The following COL25A1 variants were observed in gnomAD, a reference collection of about 807,000 sequenced individuals.
The protein encoded by COL25A1 is collagen alpha-1(XXV) chain.
COL25A1 carries 103 observed loss-of-function variants against 128.4 expected under a neutral mutation model. That is an observed-to-expected ratio of 0.80 (90% CI 0.68 to 0.94). The LOEUF is 0.94. Ranked by LOEUF, COL25A1 falls within the 40% of genes least tolerant of loss-of-function variation. The pLI is 0.00. For synonymous variants in COL25A1, 279 were observed against 277.2 expected, an observed-to-expected ratio of 1.01 and a Z score of -0.06; for missense variants, 745 against 840.0, an observed-to-expected ratio of 0.89 and a Z score of 1.40.
intron 24 of COL25A1, among the ~76,000 whole-genome samples, chr4:108,855,836 C>T (rs1008626110): frequency 2.0e-5 from 3 of 152,116 alleles, no homozygotes; most frequent in Non-Finnish European, 2.9e-5. Context: ...ACTGGAAGCA[C>T]CAGTATGCAG....
At chr4:109,071,176 G>C (rs1325304492) in intron 3 of COL25A1, among the ~76,000 whole-genome samples, 5 of 152,060 alleles carry the variant, frequency 3.3e-5, no homozygotes, top group Non-Finnish European at 7.4e-5. Context: ...TGACAAACCT[G>C]ACAAAAACAA....
chr4:108,974,555 G>A lies in COL25A1; in HGVS notation c.443C>T (p.Pro148Leu), dbSNP rs1165864490. ...TACCTTATCGCCTTTTGGACCAGGAGGGCCCTGAAAAAAAGAAAGAGAAAA... is the reference window on the plus strand; with the variant it reads ...TACCTTATCGCCTTTTGGACCAGGAAGGCCCTGAAAAAAAGAAAGAGAAAA... ...GPPGQPGPQG[P>L]PGPKGDKGEQ... is the part of the protein sequence containing the mutation. Residue 148 changes from proline (P) to leucine (L), a missense_variant, in exon 7 of 38, where the codon CCT becomes CTT. Physicochemically the swap from Pro to Leu is moderately conservative, Grantham distance 98. Transcript: ENST00000399132. 1.9e-6 allele frequency: 3 copies of A among 1,576,218 alleles called. No individual in the cohort carries two copies. Among genetic ancestry groups the A allele is most frequent in the Non-Finnish European group, 1.7e-6 (2 of 1,163,214 alleles).
chr4:109,201,377 A>C (rs1223484967), intron 3 of COL25A1, among the ~76,000 whole-genome samples: 1 of 151,520 alleles, frequency 6.6e-6, no homozygotes, highest in East Asian at 1.9e-4. Flanking sequence ...CAACAGGCTA[A>C]GAAAGAAAAA....
rs1353706235 is a variant in COL25A1 at position 109,197,448 on chromosome 4, TA to T, written c.367+103134del. On this transcript the variant is annotated intron_variant, in intron 3 of 37. Transcript: ENST00000399132. Reference sequence around the variant, plus strand: ...ATATATAAATATTATATATTATATATATTATATATAAATATTATATATAATA... The same window carrying T: ...ATATATAAATATTATATATTATATATTTATATATAAATATTATATATAATA... 2.1e-4 allele frequency among the ~76,000 whole-genome samples: 25 copies of T among 120,208 alleles called. 2 individuals carry two copies. The South Asian group carries it at 5.1e-3, about 25-fold the overall frequency. The allele number at this position is 120,208 out of a possible 152,430, so 78.9% of individuals were successfully genotyped here.
chr4:109,250,059 G>A (rs566144441), intron 3 of COL25A1, among the ~76,000 whole-genome samples: 128 of 152,098 alleles, frequency 8.4e-4, no homozygotes, highest in Non-Finnish European at 1.6e-3. Flanking sequence ...ATGTTATGTA[G>A]AAAGAGTAAT....
At chr4:109,231,087 C>T (rs931361237) in intron 3 of COL25A1, among the ~76,000 whole-genome samples, 3 of 151,818 alleles carry the variant, frequency 2.0e-5, no homozygotes, top group Admixed American at 6.6e-5. Flanking sequence ...TGCAGTGAAC[C>T]GAGATAGAGT....
At chr4:109,169,403 T>C (rs1419866782) in intron 3 of COL25A1, among the ~76,000 whole-genome samples, 1 of 152,230 alleles carries the variant, frequency 6.6e-6, no homozygotes, top group Non-Finnish European at 1.5e-5. Flanking sequence ...ATGACTCATA[T>C]TTGTGTGTAT....
At chr4:109,202,061 G>C (rs1165107376) in intron 3 of COL25A1, among the ~76,000 whole-genome samples, 1 of 152,052 alleles carries the variant, frequency 6.6e-6, no homozygotes, top group Admixed American at 6.5e-5. Flanking sequence ...TTGATTTATA[G>C]GTTCAATGCA....
At chr4:109,145,994 T>C (rs1308267636) in intron 3 of COL25A1, among the ~76,000 whole-genome samples, 2 of 152,224 alleles carry the variant, frequency 1.3e-5, no homozygotes, top group Non-Finnish European at 2.9e-5. Flanking sequence ...TTGAAGCCTA[T>C]TTCTTTCTAA....
At chr4:108,918,842 C>T (rs997825055) in intron 12 of COL25A1, among the ~76,000 whole-genome samples, 3 of 152,098 alleles carry the variant, frequency 2.0e-5, no homozygotes, top group East Asian at 1.9e-4. Context: ...TGTGTAAGCA[C>T]GTGTGGGCGT....
intron 3 of COL25A1, among the ~76,000 whole-genome samples, chr4:109,288,958 TATATACACACAC>T (rs1361936012): frequency 2.0e-3 from 142 of 69,678 alleles, no homozygotes; most frequent in African/African-American, 8.9e-3. Context: ...TACTAAATTA[TATATACACACAC>T]ACACACACAC....
chr4:109,182,263 A>G (rs1774723772), intron 3 of COL25A1, among the ~76,000 whole-genome samples: 1 of 152,082 alleles, frequency 6.6e-6, no homozygotes, highest in Non-Finnish European at 1.5e-5. Flanking sequence ...TTTTTTGAGG[A>G]ACCTCCACAC....
rs74700986 is a variant in COL25A1 at position 109,207,611 on chromosome 4, A to C, written c.367+92972T>G. Among the ~76,000 whole-genome samples, 1,756 of 152,292 alleles carry C rather than the reference A, an allele frequency of 0.012. 59 individuals carry two copies. In the South Asian group the frequency reaches 0.14, roughly 12 times the overall value. On this transcript the variant is annotated intron_variant, in intron 3 of 37. Coordinates refer to ENST00000399132, the MANE Select transcript of COL25A1 (RefSeq NM_198721.4). ...TTTTTAACAAGAAAACACTGCTTATATGTTCAGATAAGTGTTAAAGAAAAC... is the reference window on the plus strand; with the variant it reads ...TTTTTAACAAGAAAACACTGCTTATCTGTTCAGATAAGTGTTAAAGAAAAC...
In COL25A1 at chr4:108,889,697, T is replaced by G. The variant is rs376435963; in HGVS notation, c.939+4A>C. 3.9e-5 allele frequency: 63 copies of G among 1,613,208 alleles called. No homozygotes were observed. Among genetic ancestry groups the G allele is most frequent in the Non-Finnish European group, 5.2e-5 (61 of 1,179,386 alleles). ...AGTACAAATACTTGCAAGGTTATAG[T>G]TACCTTAATTCCTGCAGCAGATGAT... is the stretch of plus-strand genomic sequence containing the variant. On this transcript the variant is annotated splice_donor_region_variant and intron_variant, in intron 17 of 37. Transcript: ENST00000399132.
chr4:109,208,412 C>T (rs1216461904), intron 3 of COL25A1, among the ~76,000 whole-genome samples: 1 of 151,384 alleles, frequency 6.6e-6, no homozygotes, highest in East Asian at 2.0e-4. Flanking sequence ...GCCTCCACCT[C>T]ACTCTGCACT....
chr4:108,886,374 G>A (rs1044910005), intron 18 of COL25A1, among the ~76,000 whole-genome samples: 1 of 151,510 alleles, frequency 6.6e-6, no homozygotes, highest in Non-Finnish European at 1.5e-5. Flanking sequence ...CGGGCCACAT[G>A]CAGCCCAGGA....
chr4:109,288,955 T>TTA (rs746459430), intron 3 of COL25A1, among the ~76,000 whole-genome samples: 2,019 of 124,588 alleles, frequency 0.016, 19 homozygotes, highest in African/African-American at 0.031. Flanking sequence ...GAATACTAAA[T>TTA]TATATATACA....
rs1027877095 is a variant in COL25A1 at position 108,896,777 on chromosome 4, T to G, written c.862-66A>C. 6.4e-6 allele frequency: 9 copies of G among 1,400,450 alleles called. No individual in the cohort carries two copies. In the African/African-American group the frequency reaches 1.3e-4, roughly 20 times the overall value. The allele number at this position is 1,400,450 out of a possible 1,614,324, so 86.8% of individuals were successfully genotyped here. On this transcript the variant is annotated intron_variant, in intron 15 of 37. Transcript: ENST00000399132. Reference sequence around the variant, plus strand: ...GACGTCAAGCAGATAATATTTTTCATTATTTTAAGCTTTCTTTCATGAACA... The same window carrying G: ...GACGTCAAGCAGATAATATTTTTCAGTATTTTAAGCTTTCTTTCATGAACA...
In COL25A1 at chr4:108,869,066, GGAAA is replaced by G. The variant is rs1738363115; in HGVS notation, c.1083+18_1083+21del. The G allele has an allele frequency of 5.3e-6, 8 of 1,502,278 alleles. No individual in the cohort carries two copies. Among genetic ancestry groups the G allele is most frequent in the Non-Finnish European group, 7.3e-6 (8 of 1,096,078 alleles). 93.1% of individuals were successfully genotyped at this position (1,502,278 alleles called of 1,614,324 possible). On this transcript the variant is annotated intron_variant, in intron 20 of 37. Coordinates refer to ENST00000399132, the MANE Select transcript of COL25A1 (RefSeq NM_198721.4). Reference sequence around the variant, plus strand: ...GAAAGAAAGAAAAAGAAAGAAAGAAGGAAAGAAAGAGGCCCACTTACTTTTGTTC... The same window carrying G: ...GAAAGAAAGAAAAAGAAAGAAAGAAGGAAAGAGGCCCACTTACTTTTGTTC...
Sources: allele counts gnomAD v4.1 joint callset (sites outside exome capture counted in the v4.1 genomes callset), GRCh38; gene constraint gnomAD v4.1.1; transcripts MANE v1.5; gene names NCBI Gene and HGNC (gene_info 2026-07-23, HGNC 2026-07-21).